Variants in PRH1 observed in about 807,000 individuals in gnomAD.
PRH1 encodes the protein proline rich protein HaeIII subfamily 1.
Under a neutral mutation model 7.9 loss-of-function variants are expected in PRH1, and 7 were observed. The ratio of observed to expected loss-of-function variants is 0.89; its 90% CI spans 0.50 to 1.67. PRH1 has a LOEUF of 1.67. PRH1 is among the 40% of genes most tolerant of loss of function. The probability of loss-of-function intolerance (pLI) is 0.00; values close to 1 mark genes in which losing one functional copy is unlikely to be tolerated. For synonymous variants in PRH1, 45 were observed against 80.8 expected (o/e 0.56, Z 2.38); for missense variants, 109 against 223.6 (o/e 0.49, Z 3.27).
chr12:10,931,117 C>T (rs752763054), intron 2 of PRH1: 3 of 1,580,212 alleles, frequency 1.9e-6, no homozygotes, highest in East Asian at 2.2e-5. Flanking sequence ...AAGGCTCCAA[C>T]TGCTACAGTT....
intron 1 of PRH1, among the ~76,000 whole-genome samples, chr12:11,138,900 C>T (rs565893701): frequency 1.3e-5 from 2 of 151,978 alleles, no homozygotes; most frequent in Non-Finnish European, 2.9e-5. Context: ...ATTAGCAGGG[C>T]GTGGTGGTGC....
intron 2 of PRH1, among the ~76,000 whole-genome samples, chr12:10,897,435 C>T (rs910410624): frequency 2.6e-5 from 4 of 152,156 alleles, no homozygotes; most frequent in Non-Finnish European, 5.9e-5. Flanking sequence ...AAGGCTTAGA[C>T]ATTCTGGAAC....
intron 1 of PRH1, among the ~76,000 whole-genome samples, chr12:11,006,792 C>G (rs1940852860): frequency 6.6e-6 from 1 of 152,008 alleles, no homozygotes; most frequent in South Asian, 2.1e-4. Flanking sequence ...CAGAAAAGCA[C>G]CAGCATATGC....
intron 2 of PRH1, among the ~76,000 whole-genome samples, chr12:10,911,139 C>T (rs891367921): frequency 2.0e-5 from 3 of 152,168 alleles, no homozygotes; most frequent in African/African-American, 4.8e-5. Context: ...ATCTTTTATA[C>T]TTTTTCATTT....
At chr12:11,066,153 A>C (rs2136192752) in intron 1 of PRH1, among the ~76,000 whole-genome samples, 1 of 151,974 alleles carries the variant, frequency 6.6e-6, no homozygotes, top group East Asian at 1.9e-4. Context: ...AACAAAACTG[A>C]ATCTGGTGTT....
chr12:11,085,372 C>T (rs1411509846), intron 1 of PRH1, among the ~76,000 whole-genome samples: 1 of 121,246 alleles, frequency 8.2e-6, no homozygotes, highest in Non-Finnish European at 2.0e-5. Flanking sequence ...ATGAAGGTGC[C>T]CATGGGAAAA....
At chr12:11,091,216 G>C (rs1296913822) in intron 1 of PRH1, 2 of 1,073,624 alleles carry the variant, frequency 1.9e-6, no homozygotes, top group South Asian at 3.0e-5. Context: ...ATACAGTATA[G>C]AAAAACCAGT....
chr12:10,957,298 A>G (rs1334309983), intron 2 of PRH1, among the ~76,000 whole-genome samples: 1 of 152,164 alleles, frequency 6.6e-6, no homozygotes, highest in East Asian at 1.9e-4. Context: ...AAAGTTAACA[A>G]AAACAAGCCA....
chr12:11,015,429 G>A (rs1472095632), intron 1 of PRH1, among the ~76,000 whole-genome samples: 2 of 152,054 alleles, frequency 1.3e-5, no homozygotes, highest in Non-Finnish European at 2.9e-5. Flanking sequence ...TTCCATTGCT[G>A]CTCAGAAACT....
chr12:10,957,819 A>G (rs1938048975), intron 2 of PRH1, among the ~76,000 whole-genome samples: 2 of 152,204 alleles, frequency 1.3e-5, no homozygotes, highest in South Asian at 4.1e-4. Context: ...AATGCTCAAT[A>G]TAACTAATCA....
intron 1 of PRH1, among the ~76,000 whole-genome samples, chr12:11,113,476 A>C (rs1224340681): frequency 6.6e-6 from 1 of 152,204 alleles, no homozygotes; most frequent in Non-Finnish European, 1.5e-5. Flanking sequence ...TGGATTCCCT[A>C]TTTGATAAAT....
chr12:11,077,765 C>T (rs1227830608), intron 1 of PRH1: 2 of 1,211,892 alleles, frequency 1.7e-6, no homozygotes, highest in African/African-American at 2.9e-5. Flanking sequence ...GTCACATTTC[C>T]TTCATATTCT....
In PRH1 at chr12:10,971,009, T is replaced by C. The variant is rs532296350; in HGVS notation, c.-59+2646A>G. ...TCATTATTTTACTTTTTTTGCCTTT[T>C]AAATATTTTTATTATTGTGGAACAT... On this transcript the variant is annotated intron_variant, in intron 2 of 3. Transcript: ENST00000539853. 4.6e-5 allele frequency among the ~76,000 whole-genome samples: 7 copies of C among 152,342 alleles called. No homozygotes were observed. In the South Asian group the frequency reaches 1.2e-3, roughly 27 times the overall value.
At chr12:11,168,448 AAAG>A (rs1173706333) in intron 1 of PRH1, among the ~76,000 whole-genome samples, 3 of 151,688 alleles carry the variant, frequency 2.0e-5, no homozygotes, top group African/African-American at 7.3e-5. Context: ...AAAAAGAAAG[AAAG>A]AAAGAGAAAA....
At chr12:11,061,156 CTTTTG>C (rs1310468684) in intron 1 of PRH1, among the ~76,000 whole-genome samples, 2 of 150,210 alleles carry the variant, frequency 1.3e-5, no homozygotes, top group Non-Finnish European at 3.0e-5. Context: ...TGTCAATGTT[CTTTTG>C]TTTTTCATAC....
intron 1 of PRH1, chr12:10,986,280 G>A: frequency 6.2e-7 from 1 of 1,614,064 alleles, no homozygotes; most frequent in South Asian, 1.1e-5. Flanking sequence ...CATCAGAAAA[G>A]ATATCAGGGA....
chr12:11,043,196 C>A (rs193231594), intron 1 of PRH1, among the ~76,000 whole-genome samples: 1 of 152,136 alleles, frequency 6.6e-6, no homozygotes, highest in Admixed American at 6.5e-5. Flanking sequence ...GGACAAGAAC[C>A]ATATGATCAT....
intron 1 of PRH1, among the ~76,000 whole-genome samples, chr12:11,067,144 C>A (rs188949512): frequency 6.6e-6 from 1 of 151,592 alleles, no homozygotes; most frequent in Admixed American, 6.6e-5. Context: ...TATGCACAAA[C>A]ATGCTCAAAG....
intron 1 of PRH1, among the ~76,000 whole-genome samples, chr12:11,019,589 C>T (rs894436186): frequency 2.6e-5 from 4 of 152,278 alleles, no homozygotes; most frequent in Non-Finnish European, 5.9e-5. Flanking sequence ...TGGTTACAAA[C>T]TCAATTTTTA....
Sources: gnomAD v4.1 joint callset for allele counts (sites outside exome capture counted in the v4.1 genomes callset) on GRCh38, gnomAD v4.1.1 for gene constraint, MANE v1.5 for transcripts, NCBI Gene and HGNC (gene_info 2026-07-23, HGNC 2026-07-21) for gene names.